The following KCNH7 variants were observed in gnomAD, a reference collection of about 807,000 sequenced individuals.
KCNH7 encodes the protein voltage-gated inwardly rectifying potassium channel KCNH7.
KCNH7 carries 49 observed loss-of-function variants against 120.8 expected under a neutral mutation model. The observed-to-expected ratio is 0.41, with a 90% CI of 0.32 to 0.51. The LOEUF is 0.51. Ranked by LOEUF, KCNH7 falls within the 20% of genes least tolerant of loss-of-function variation. KCNH7 has a pLI of 0.38. For missense variants in KCNH7, 1,097 were observed against 1,446.6 expected (o/e 0.76, Z 3.92); for synonymous variants, 547 against 516.1 (o/e 1.06, Z -0.81).
intron 6 of KCNH7, among the ~76,000 whole-genome samples, chr2:162,473,661 C>A (rs1176879644): frequency 6.6e-6 from 1 of 152,086 alleles, no homozygotes; most frequent in Non-Finnish European, 1.5e-5. Flanking sequence ...AGGCACTGGG[C>A]TAGGCTCTGT....
intron 2 of KCNH7, among the ~76,000 whole-genome samples, chr2:162,636,755 A>G (rs536584593): frequency 1.3e-5 from 2 of 152,254 alleles, no homozygotes; most frequent in East Asian, 1.9e-4. Context: ...ATTAACCTAT[A>G]AATCCCTTCA....
rs971800856 is a variant in KCNH7, at chr2:162,517,925, C to G, written c.697G>C (p.Gly233Arg). ...TTGGGAGAGGAATGGTCAAGAGGTC[C>G]GGATATATTCACCAAGGGAGAACAT... is the stretch of plus-strand genomic sequence containing the variant. ...SKCSPLVNIS[G>R]PLDHSSPKRQ... The change falls in exon 4 of 16, where the codon GGA becomes CGA. Residue 233 changes from glycine to arginine, a missense_variant. Gly to Arg is a moderately radical substitution (Grantham distance 125, BLOSUM62 -2). Around this residue, in one of 8 missense-constraint regions of KCNH7, gnomAD observed 362 missense variants for 372.2 expected, o/e 0.97. Transcript: ENST00000332142. 6.2e-7 allele frequency: 1 copy of G among 1,612,306 alleles called. No individual in the cohort carries two copies. Among genetic ancestry groups the G allele is most frequent in the Non-Finnish European group, 8.5e-7 (1 of 1,178,874 alleles).
intron 2 of KCNH7, among the ~76,000 whole-genome samples, chr2:162,616,189 G>A (rs183049680): frequency 5.7e-4 from 87 of 152,160 alleles, no homozygotes; most frequent in Middle Eastern, 3.4e-3. Context: ...TATGACTCAC[G>A]GGATAAAAGA....
chr2:162,765,547 C>T (rs1056902113), intron 2 of KCNH7, among the ~76,000 whole-genome samples: 1 of 152,042 alleles, frequency 6.6e-6, no homozygotes, highest in Non-Finnish European at 1.5e-5. Flanking sequence ...TTTGTTGACA[C>T]CACACTGTTC....
intron 2 of KCNH7, among the ~76,000 whole-genome samples, chr2:162,722,362 C>T (rs1206615552): frequency 3.3e-5 from 5 of 151,836 alleles, no homozygotes; most frequent in Non-Finnish European, 7.4e-5. Context: ...TAATAATTTA[C>T]TGAATAAGAA....
intron 2 of KCNH7, among the ~76,000 whole-genome samples, chr2:162,658,233 A>AT (rs1012670345): frequency 6.6e-6 from 1 of 151,744 alleles, no homozygotes; most frequent in Non-Finnish European, 1.5e-5. Flanking sequence ...GTCTGGCATC[A>AT]TTTGTCAAAA....
At chr2:162,757,087 A>T (rs1315733225) in intron 2 of KCNH7, among the ~76,000 whole-genome samples, 1 of 151,982 alleles carries the variant, frequency 6.6e-6, no homozygotes, top group African/African-American at 2.4e-5. Context: ...GTTTAAAAAT[A>T]TTTTTTCTAT....
Position 162,756,896 on chromosome 2 carries a change from A to G in KCNH7, c.307+79641T>C, listed in dbSNP as rs545182846. Among the ~76,000 whole-genome samples, 11 of 152,286 alleles carry G rather than the reference A, an allele frequency of 7.2e-5. No individual in the cohort carries two copies. In the South Asian group the frequency reaches 2.3e-3, roughly 32 times the overall value. ...CAAATTCAAAAACAAACATCAATGA[A>G]TCCTTTAGCTAAATAATCACAAAAT... On this transcript the variant is annotated intron_variant, in intron 2 of 15. Coordinates refer to ENST00000332142, the MANE Select transcript of KCNH7 (RefSeq NM_033272.4).
chr2:162,435,886 C>T (rs1688219246), intron 7 of KCNH7, among the ~76,000 whole-genome samples: 1 of 152,064 alleles, frequency 6.6e-6, no homozygotes, highest in Non-Finnish European at 1.5e-5. Flanking sequence ...CTCAGTGACT[C>T]ATTCATTCAC....
intron 2 of KCNH7, among the ~76,000 whole-genome samples, chr2:162,759,946 A>T (rs2105448986): frequency 6.6e-6 from 1 of 152,222 alleles, no homozygotes; most frequent in Non-Finnish European, 1.5e-5. Flanking sequence ...AAAGATACAA[A>T]GTCCTGAAGA....
At chr2:162,816,238 C>T (rs1330724492) in intron 2 of KCNH7, among the ~76,000 whole-genome samples, 2 of 83,080 alleles carry the variant, frequency 2.4e-5, no homozygotes, top group Non-Finnish European at 4.2e-5. Flanking sequence ...GCCTGGGCAA[C>T]AAGAGTGAAA....
intron 2 of KCNH7, among the ~76,000 whole-genome samples, chr2:162,663,714 T>C (rs544391202): frequency 6.6e-6 from 1 of 152,282 alleles, no homozygotes; most frequent in South Asian, 2.1e-4. Context: ...TGAAAATAAG[T>C]AGCATCAGAC....
chr2:162,833,368 T>A (rs1050668121), intron 2 of KCNH7, among the ~76,000 whole-genome samples: 2 of 152,162 alleles, frequency 1.3e-5, no homozygotes, highest in Admixed American at 1.3e-4. Flanking sequence ...TATTTTTTAA[T>A]CTTTGTTGCT....
At chr2:162,377,001 A>G (rs76935779) in intron 14 of KCNH7, among the ~76,000 whole-genome samples, 41 of 152,166 alleles carry the variant, frequency 2.7e-4, no homozygotes, top group Non-Finnish European at 4.6e-4. Flanking sequence ...TGTGTTTTGT[A>G]CTTAATATGT....
intron 2 of KCNH7, among the ~76,000 whole-genome samples, chr2:162,725,956 T>C (rs1687499864): frequency 6.6e-6 from 1 of 152,182 alleles, no homozygotes; most frequent in South Asian, 2.1e-4. Flanking sequence ...AATATTTTCT[T>C]TCAAAACAAA....
chr2:162,383,833 C>A (rs1431616354), intron 13 of KCNH7, among the ~76,000 whole-genome samples: 1 of 151,528 alleles, frequency 6.6e-6, no homozygotes, highest in Non-Finnish European at 1.5e-5. Context: ...TCTTAATAAC[C>A]ATAACCTCGT....
chr2:162,444,204 C>G (rs538847215), intron 7 of KCNH7, among the ~76,000 whole-genome samples: 60 of 152,320 alleles, frequency 3.9e-4, no homozygotes, highest in African/African-American at 1.4e-3. Flanking sequence ...TCCCCTACCC[C>G]TCTTCCTCAA....
intron 2 of KCNH7, among the ~76,000 whole-genome samples, chr2:162,577,348 C>CCTATCTATCTATCTATCTAT (rs71009364): frequency 5.4e-4 from 71 of 131,430 alleles, no homozygotes; most frequent in East Asian, 1.1e-3. Context: ...ATCTATCCAT[C>CCTATCTATCTATCTATCTAT]CTATCTATCT....
chr2:162,697,349 G>A (rs973373276), intron 2 of KCNH7, among the ~76,000 whole-genome samples: 2 of 152,100 alleles, frequency 1.3e-5, no homozygotes, highest in African/African-American at 4.8e-5. Context: ...CAGGTCAAAA[G>A]CCCTGAGTAC....
Sources: gnomAD v4.1 joint callset for allele counts (sites outside exome capture counted in the v4.1 genomes callset) on GRCh38, gnomAD v4.1.1 for gene constraint, gnomAD v4.1.1 regional missense constraint, MANE v1.5 for transcripts, NCBI Gene and HGNC (gene_info 2026-07-23, HGNC 2026-07-21) for gene names.